LOXHD1: variants seen among roughly 807,000 people sequenced by gnomAD.
LOXHD1 encodes the protein lipoxygenase homology domain-containing protein 1.
Under a neutral mutation model 248.2 loss-of-function variants are expected in LOXHD1, and 205 were observed. That is an observed-to-expected ratio of 0.83 (90% CI 0.74 to 0.93). The LOEUF is 0.93. Ranked by LOEUF, LOXHD1 falls within the 40% of genes least tolerant of loss-of-function variation. LOXHD1 has a pLI of 0.00. For missense variants in LOXHD1, 2,930 were observed against 2,971.6 expected, an observed-to-expected ratio of 0.99 and a Z score of 0.33; for synonymous variants, 1,113 against 1,162.8, an observed-to-expected ratio of 0.96 and a Z score of 0.87.
Position 46,644,475 on chromosome 18 carries a change from C to G in LOXHD1, c.246-2439G>C, listed in dbSNP as rs553409011. Among the ~76,000 whole-genome samples the G allele has an allele frequency of 1.1e-3, 161 of 152,192 alleles. 1 individual carries two copies. The highest frequency in any genetic ancestry group is 3.7e-3 in the South Asian group (18 of 4,818). On this transcript the variant is annotated intron_variant, in intron 2 of 40. Transcript: ENST00000642948. ...GCTTATGCCTATAATCACAGTGCCT[C>G]GAGAGGCCAAGGCAGGAGAATCATT... is the stretch of plus-strand genomic sequence containing the variant.
intron 14 of LOXHD1, among the ~76,000 whole-genome samples, chr18:46,573,258 G>A (rs1419407118): frequency 1.3e-5 from 2 of 152,048 alleles, no homozygotes; most frequent in African/African-American, 2.4e-5. Context: ...AGTGAGCCAC[G>A]GTCCCAGCTC....
At position 46,506,028 on chromosome 18, in the gene LOXHD1, G is replaced by A. The variant is rs573563419; in HGVS notation, c.5693-5C>T. On this transcript the variant is annotated splice_region_variant and splice_polypyrimidine_tract_variant and intron_variant, in intron 36 of 40. Coordinates refer to ENST00000642948, the MANE Select transcript of LOXHD1 (RefSeq NM_001384474.1). Reference sequence around the variant, plus strand: ...CGTTGGCATCAGTGCCTGCTCCTGGGGGGTGCACAAGGTGAGGCTTAGGGT... The same window carrying A: ...CGTTGGCATCAGTGCCTGCTCCTGGAGGGTGCACAAGGTGAGGCTTAGGGT... The A allele has an allele frequency of 4.5e-6, 7 of 1,552,044 alleles. No individual in the cohort carries two copies. In the South Asian group the frequency reaches 7.1e-5, roughly 16 times the overall value.
intron 12 of LOXHD1, among the ~76,000 whole-genome samples, chr18:46,588,267 T>C (rs61152782): frequency 0.019 from 2,956 of 151,998 alleles, 97 homozygotes; most frequent in African/African-American, 0.068. Context: ...GAAATTCAAG[T>C]TTGTTTGGGC....
intron 4 of LOXHD1, among the ~76,000 whole-genome samples, chr18:46,630,610 A>G (rs1378094954): frequency 6.6e-6 from 1 of 152,172 alleles, no homozygotes; most frequent in Non-Finnish European, 1.5e-5. Context: ...ATACTGCCCC[A>G]TAGGGAAGGC....
At chr18:46,561,483 G>T (rs1013547714) in intron 18 of LOXHD1, among the ~76,000 whole-genome samples, 3 of 152,200 alleles carry the variant, frequency 2.0e-5, no homozygotes, top group East Asian at 1.9e-4. Context: ...TCACATGGGG[G>T]TTGTTTCTAG....
rs543810907 is a variant in LOXHD1, at chr18:46,515,150, C to T, written c.5399+2979G>A. Among the ~76,000 whole-genome samples the T allele has an allele frequency of 5.3e-5, 8 of 152,290 alleles. No individual in the cohort carries two copies. In the East Asian group the frequency reaches 7.7e-4, roughly 15 times the overall value. ...TGGGTATAGCATCTGACTGCAGGAG[C>T]GTTGCAGCAGGTAGAAGCCTCATGA... On this transcript the variant is annotated intron_variant, in intron 34 of 40. Coordinates refer to ENST00000642948, the MANE Select transcript of LOXHD1 (RefSeq NM_001384474.1).
chr18:46,592,936 C>T (rs1431156730), intron 10 of LOXHD1, among the ~76,000 whole-genome samples: 1 of 152,158 alleles, frequency 6.6e-6, no homozygotes, highest in African/African-American at 2.4e-5. Context: ...GCCCACAGCC[C>T]CAGGACTCTA....
Position 46,594,348 on chromosome 18 carries a change from C to T in LOXHD1, c.1253G>A (p.Arg418Lys). 6.4e-7 allele frequency: 1 copy of T among 1,551,638 alleles called. No homozygotes were observed. The highest frequency in any genetic ancestry group is 8.7e-7 in the Non-Finnish European group (1 of 1,146,986). The change falls in exon 9 of 41, where the codon AGG (arginine) becomes AAG (lysine). Residue 418 changes from arginine (R) to lysine (K), a missense_variant. Transcript: ENST00000642948. Reference sequence around the variant, plus strand: ...TCACTTACTTTTCAGCCGCTTCTTCCTGAGAGACACCATCTCATAGAGCTG... The same window carrying T: ...TCACTTACTTTTCAGCCGCTTCTTCTTGAGAGACACCATCTCATAGAGCTG... ...ERQLYEMVSL[R>K]KKRLKKFPWS...
At chr18:46,497,200 C>T (rs2033927302) in intron 37 of LOXHD1, among the ~76,000 whole-genome samples, 2 of 152,140 alleles carry the variant, frequency 1.3e-5, no homozygotes, top group African/African-American at 4.8e-5. Flanking sequence ...CATTATGGGT[C>T]CAAGGCAATC....
chr18:46,554,192 A>G (rs934717985), intron 21 of LOXHD1, among the ~76,000 whole-genome samples: 2 of 152,082 alleles, frequency 1.3e-5, no homozygotes, highest in Admixed American at 6.5e-5. Context: ...GATAGAAGGG[A>G]TGAGGTCAGA....
Position 46,545,472 on chromosome 18 carries a change from A to G in LOXHD1, c.3515-51T>C, listed in dbSNP as rs2036761004. On this transcript the variant is annotated intron_variant, in intron 22 of 40. Coordinates refer to ENST00000642948, the MANE Select transcript of LOXHD1 (RefSeq NM_001384474.1). ...TGAATTGTAGACTGTTCCTTTCATG[A>G]AAGGAGGAAAGAGGACAGCCACCTC... is the stretch of plus-strand genomic sequence containing the variant. 2.0e-5 allele frequency: 28 copies of G among 1,401,852 alleles called. No homozygotes were observed. In the East Asian group the frequency reaches 7.0e-4, roughly 35 times the overall value. The allele number at this position is 1,401,852 out of a possible 1,614,324, so 86.8% of individuals were successfully genotyped here.
intron 14 of LOXHD1, among the ~76,000 whole-genome samples, chr18:46,575,733 TTA>T (rs1308331202): frequency 2.0e-5 from 3 of 152,080 alleles, no homozygotes; most frequent in African/African-American, 7.2e-5. Context: ...CTGTGAGACA[TTA>T]TGTTTCTGTC....
At chr18:46,531,472 A>C (rs2036064414) in intron 28 of LOXHD1, among the ~76,000 whole-genome samples, 1 of 152,056 alleles carries the variant, frequency 6.6e-6, no homozygotes, top group African/African-American at 2.4e-5. Context: ...ATGTGAGCTA[A>C]TCACAGGTGG....
At position 46,572,078 on chromosome 18, in the gene LOXHD1, C is replaced by A. The variant is rs1021749691; in HGVS notation, c.2047+8G>T. The A allele has an allele frequency of 1.9e-6, 3 of 1,551,514 alleles. No homozygotes were observed. The highest frequency in any genetic ancestry group is 1.7e-6 in the Non-Finnish European group (2 of 1,146,856). ...CACACCCAGCACCTGGTCATCAGGA[C>A]AACTCACTCTTCAGTGTCGCGCTGC... On this transcript the variant is annotated splice_region_variant and intron_variant, in intron 15 of 40. Transcript: ENST00000642948.
chr18:46,566,868 A>G lies in LOXHD1; in HGVS notation c.2245-419T>C, dbSNP rs190275866. Among the ~76,000 whole-genome samples, 5 of 152,358 alleles carry G rather than the reference A, an allele frequency of 3.3e-5. No homozygotes were observed. In the East Asian group the frequency reaches 5.8e-4, roughly 18 times the overall value. Reference sequence around the variant, plus strand: ...TTGGTTTTGAACAATACACAGTTGTATATATTTCTGCATTTCTTCAACATA... The same window carrying G: ...TTGGTTTTGAACAATACACAGTTGTGTATATTTCTGCATTTCTTCAACATA... On this transcript the variant is annotated intron_variant, in intron 16 of 40. Transcript: ENST00000642948.
intron 12 of LOXHD1, among the ~76,000 whole-genome samples, chr18:46,580,226 T>C (rs1348507416): frequency 6.6e-6 from 1 of 152,238 alleles, no homozygotes; most frequent in Non-Finnish European, 1.5e-5. Flanking sequence ...TGGGGACCAC[T>C]GGTCTAACCC....
intron 32 of LOXHD1, 33 bp downstream of exon 32, chr18:46,522,067 TG>T: frequency 6.8e-7 from 1 of 1,469,034 alleles, no homozygotes; most frequent in Non-Finnish European, 9.2e-7. Flanking sequence ...ATCCCTAGGG[TG>T]GTCACTATCA....
At chr18:46,478,099 G>A in intron 40 of LOXHD1, 147 bp from the exon 41 acceptor site, 1 of 1,089,228 alleles carries the variant, frequency 9.2e-7, no homozygotes, top group Non-Finnish European at 1.3e-6. Context: ...GTTTAAATGT[G>A]CGTATGGATT....
chr18:46,554,681 TGGAG>T (rs1332837949), intron 21 of LOXHD1, among the ~76,000 whole-genome samples: 5 of 131,630 alleles, frequency 3.8e-5, no homozygotes, highest in Admixed American at 3.2e-4. Flanking sequence ...AAGGGGAGAG[TGGAG>T]GGAGGAAGAA....
Sources: gnomAD v4.1 joint callset for allele counts (sites outside exome capture counted in the v4.1 genomes callset) on GRCh38, gnomAD v4.1.1 for gene constraint, MANE v1.5 for transcripts, NCBI Gene and HGNC (gene_info 2026-07-23, HGNC 2026-07-21) for gene names.